The following MSRB3 variants were observed in gnomAD, a reference collection of about 807,000 sequenced individuals.
MSRB3 encodes the protein methionine-R-sulfoxide reductase B3.
MSRB3 carries 13 observed loss-of-function variants against 21.0 expected under a neutral mutation model. The ratio of observed to expected loss-of-function variants is 0.62; its 90% CI spans 0.40 to 0.98. The LOEUF is 0.98. Ranked by LOEUF, MSRB3 falls within the 50% of genes least tolerant of loss-of-function variation. The pLI, the probability that MSRB3 is intolerant of heterozygous loss-of-function variation, is 0.00. For synonymous variants in MSRB3, 87 were observed against 88.6 expected, an observed-to-expected ratio of 0.98 and a Z score of 0.10; for missense variants, 199 against 230.3, an observed-to-expected ratio of 0.86 and a Z score of 0.88.
intron 1 of MSRB3, chr12:65,286,276 C>T (rs1872341819): frequency 6.6e-6 from 1 of 152,036 alleles, no homozygotes; most frequent in African/African-American, 2.4e-5. Context: ...GGGAAAACTT[C>T]TATTTGAAAA....
At chr12:65,444,864 C>T (rs1882543512) in intron 5 of MSRB3, among the ~76,000 whole-genome samples, 1 of 152,138 alleles carries the variant, frequency 6.6e-6, no homozygotes, top group Non-Finnish European at 1.5e-5. Context: ...TTCTTTTCCT[C>T]TACTGACTCT....
chr12:65,366,019 A>G lies in MSRB3; in HGVS notation c.264-2979A>G, dbSNP rs567487628. ...TGCCAGAGGCTCTGGGCCCCCACCCATTGCTCCTTCTATACCCAACAGCCA... is the reference window on the plus strand; with the variant it reads ...TGCCAGAGGCTCTGGGCCCCCACCCGTTGCTCCTTCTATACCCAACAGCCA... On this transcript the variant is annotated intron_variant, in intron 4 of 6. Transcript: ENST00000308259. 5.9e-5 allele frequency among the ~76,000 whole-genome samples: 9 copies of G among 152,142 alleles called. No homozygotes were observed. In the East Asian group the frequency reaches 1.7e-3, roughly 29 times the overall value.
At chr12:65,338,395 T>C (rs956672033) in intron 4 of MSRB3, among the ~76,000 whole-genome samples, 4 of 152,160 alleles carry the variant, frequency 2.6e-5, no homozygotes, top group African/African-American at 7.2e-5. Flanking sequence ...TTTTGAATAT[T>C]TATTATCTTT....
intron 4 of MSRB3, among the ~76,000 whole-genome samples, chr12:65,344,874 T>C (rs1025898305): frequency 6.6e-6 from 1 of 152,050 alleles, no homozygotes; most frequent in African/African-American, 2.4e-5. Flanking sequence ...ATTAGAACCA[T>C]ACATTCCAAG....
chr12:65,396,700 A>AGAAAGAAAGAAAGAAAG (rs1555209331), intron 5 of MSRB3, among the ~76,000 whole-genome samples: 2 of 11,654 alleles, frequency 1.7e-4, no homozygotes, highest in African/African-American at 9.7e-4. Context: ...TCAAAAAAAA[A>AGAAAGAAAGAAAGAAAG]AAAAAAAGAA....
chr12:65,421,522 T>C (rs1237690263), intron 5 of MSRB3, among the ~76,000 whole-genome samples: 1 of 152,234 alleles, frequency 6.6e-6, no homozygotes, highest in Non-Finnish European at 1.5e-5. Context: ...GGCATCTTCA[T>C]CATGAAATTT....
chr12:65,445,204 CTT>C (rs1882559544), intron 5 of MSRB3, among the ~76,000 whole-genome samples: 1 of 152,102 alleles, frequency 6.6e-6, no homozygotes, highest in East Asian at 1.9e-4. Flanking sequence ...ACTTTGCTCT[CTT>C]GATTGCTCTA....
At chr12:65,339,730 C>T (rs941334002) in intron 4 of MSRB3, among the ~76,000 whole-genome samples, 1 of 152,062 alleles carries the variant, frequency 6.6e-6, no homozygotes, top group Non-Finnish European at 1.5e-5. Flanking sequence ...GCAGCTAGCT[C>T]AACAGGTTCC....
intron 4 of MSRB3, among the ~76,000 whole-genome samples, chr12:65,329,050 T>C (rs1444409876): frequency 1.3e-5 from 2 of 152,236 alleles, no homozygotes; most frequent in African/African-American, 4.8e-5. Flanking sequence ...CTGTATTGAA[T>C]GTAACATGGG....
chr12:65,292,363 G>C (rs1311267804), intron 1 of MSRB3, among the ~76,000 whole-genome samples: 1 of 152,186 alleles, frequency 6.6e-6, no homozygotes, highest in Non-Finnish European at 1.5e-5. Flanking sequence ...CATGAAATGG[G>C]AGGATATATG....
chr12:65,433,416 T>A (rs182283690), intron 5 of MSRB3, among the ~76,000 whole-genome samples: 2,612 of 151,816 alleles, frequency 0.017, 56 homozygotes, highest in African/African-American at 0.052. Flanking sequence ...TAAAAAAAAA[T>A]TTTTTTAATT....
chr12:65,354,711 A>T (rs1877278969), intron 4 of MSRB3, among the ~76,000 whole-genome samples: 1 of 151,922 alleles, frequency 6.6e-6, no homozygotes, highest in Non-Finnish European at 1.5e-5. Context: ...TGAATAAGGC[A>T]GTGAAATGCT....
At chr12:65,461,936 C>G (rs1170880506) in intron 6 of MSRB3, among the ~76,000 whole-genome samples, 2 of 152,128 alleles carry the variant, frequency 1.3e-5, no homozygotes, top group Non-Finnish European at 2.9e-5. Flanking sequence ...TCTAACATTT[C>G]ATATCACCTT....
chr12:65,382,946 T>G (rs1879020780), intron 5 of MSRB3, among the ~76,000 whole-genome samples: 1 of 152,078 alleles, frequency 6.6e-6, no homozygotes, highest in South Asian at 2.1e-4. Flanking sequence ...CAGGTTAAAT[T>G]TATTTATGAT....
In MSRB3 at chr12:65,465,558, C is replaced by G. The variant is rs1883530248; in HGVS notation, c.*2236C>G. 1.3e-5 allele frequency: 2 copies of G among 152,120 alleles called. No homozygotes were observed. Among genetic ancestry groups the G allele is most frequent in the South Asian group, 4.2e-4 (2 of 4,808 alleles). The allele number at this position is 152,120 out of a possible 1,614,324, so 9.4% of individuals were successfully genotyped here. On this transcript the variant is annotated 3_prime_UTR_variant, in exon 7 of 7. Coordinates refer to ENST00000308259, the MANE Select transcript of MSRB3 (RefSeq NM_001031679.3). ...CCTACATGTCTCTCTCTACAAGCACCTCTCTAAGAAGCCTGACATCCCGGT... is the reference window on the plus strand; with the variant it reads ...CCTACATGTCTCTCTCTACAAGCACGTCTCTAAGAAGCCTGACATCCCGGT...
At chr12:65,279,206 C>A in intron 1 of MSRB3, 1 of 482,482 alleles carries the variant, frequency 2.1e-6, no homozygotes, top group Non-Finnish European at 3.0e-6. Context: ...AGGGATCTGG[C>A]GGGGCAGCCC....
intron 2 of MSRB3, chr12:65,308,940 C>G (rs1873820183): frequency 2.2e-6 from 1 of 461,420 alleles, no homozygotes; most frequent in Admixed American, 3.5e-5. Flanking sequence ...ATCTGCAAAT[C>G]ATAACGTTCA....
chr12:65,322,521 G>T (rs1361158893), intron 2 of MSRB3, among the ~76,000 whole-genome samples: 1 of 151,812 alleles, frequency 6.6e-6, no homozygotes, highest in Admixed American at 6.6e-5. Context: ...CGGGTGTGGT[G>T]GTGGGCGTCT....
chr12:65,306,493 C>A (rs73318439), intron 1 of MSRB3, among the ~76,000 whole-genome samples: 3,971 of 152,256 alleles, frequency 0.026, 183 homozygotes, highest in African/African-American at 0.091. Context: ...ACTATCCATG[C>A]AGGCATTAAA....
Sources: allele counts gnomAD v4.1 joint callset (sites outside exome capture counted in the v4.1 genomes callset), GRCh38; gene constraint gnomAD v4.1.1; transcripts MANE v1.5; gene names NCBI Gene and HGNC (gene_info 2026-07-23, HGNC 2026-07-21).